Variants in AGBL4 observed in about 807,000 individuals in gnomAD.
AGBL4 encodes the protein cytosolic carboxypeptidase 6.
A neutral mutation model predicts 66.4 loss-of-function variants in AGBL4; 58 were observed. The ratio of observed to expected loss-of-function variants is 0.87; its 90% CI spans 0.71 to 1.09. The LOEUF (loss-of-function observed/expected upper bound fraction) is 1.09. Ranked by LOEUF, AGBL4 falls within the 50% of genes least tolerant of loss-of-function variation. AGBL4 has a pLI of 0.00. For synonymous variants in AGBL4, 234 were observed against 222.9 expected, an observed-to-expected ratio of 1.05 and a Z score of -0.44; for missense variants, 579 against 631.0, an observed-to-expected ratio of 0.92 and a Z score of 0.88.
At chr1:48,721,898 T>C (rs1647156881) in intron 6 of AGBL4, among the ~76,000 whole-genome samples, 1 of 152,202 alleles carries the variant, frequency 6.6e-6, no homozygotes, top group South Asian at 2.1e-4. Flanking sequence ...AATAACTTTT[T>C]AATGAGTGTG....
At chr1:49,436,256 A>C (rs1645900722) in intron 3 of AGBL4, among the ~76,000 whole-genome samples, 1 of 152,204 alleles carries the variant, frequency 6.6e-6, no homozygotes, top group African/African-American at 2.4e-5. Flanking sequence ...GGTAAGTATA[A>C]CAGTGAGTGT....
At chr1:49,754,035 A>AT (rs1651685031) in intron 2 of AGBL4, among the ~76,000 whole-genome samples, 1 of 152,004 alleles carries the variant, frequency 6.6e-6, no homozygotes, top group Non-Finnish European at 1.5e-5. Context: ...AGCTCAGAGG[A>AT]TTTTGTTATT....
At chr1:49,114,929 A>C (rs886920705) in intron 4 of AGBL4, among the ~76,000 whole-genome samples, 7 of 152,244 alleles carry the variant, frequency 4.6e-5, no homozygotes, top group African/African-American at 1.7e-4. Context: ...ATAATAATGA[A>C]AAAGTTTGAA....
intron 2 of AGBL4, among the ~76,000 whole-genome samples, chr1:49,796,025 T>C (rs917087113): frequency 1.3e-5 from 2 of 151,872 alleles, no homozygotes; most frequent in Admixed American, 6.6e-5. Context: ...CTGGCCACAA[T>C]GATAACTAAG....
At chr1:49,870,957 A>C (rs1396067742) in intron 1 of AGBL4, among the ~76,000 whole-genome samples, 1 of 152,176 alleles carries the variant, frequency 6.6e-6, no homozygotes, top group African/African-American at 2.4e-5. Context: ...TGGACACAGA[A>C]GAAGATAACA....
chr1:49,213,397 T>C (rs944818694), intron 4 of AGBL4, among the ~76,000 whole-genome samples: 2 of 151,996 alleles, frequency 1.3e-5, no homozygotes, highest in African/African-American at 2.4e-5. Flanking sequence ...TGGTGGGAGA[T>C]GTTTGGGTCA....
At chr1:49,472,474 T>A (rs1235377893) in intron 3 of AGBL4, among the ~76,000 whole-genome samples, 4 of 151,668 alleles carry the variant, frequency 2.6e-5, no homozygotes, top group Admixed American at 6.6e-5. Context: ...CTCAGAAAAA[T>A]TAAGTCTCAG....
At position 49,166,506 on chromosome 1, in the gene AGBL4, G is replaced by A. The variant is rs1043951605; in HGVS notation, c.377+79264C>T. ...TGTAACCGAGTCTCCCGGAACTCTA[G>A]TATGTTATTAGGTATTTATATAATT... On this transcript the variant is annotated intron_variant, in intron 4 of 13. Coordinates refer to ENST00000371839, the MANE Select transcript of AGBL4 (RefSeq NM_032785.4). Among the ~76,000 whole-genome samples, 23 of 152,158 alleles carry A rather than the reference G, an allele frequency of 1.5e-4. 1 individual carries two copies. The highest frequency in any genetic ancestry group is 1.4e-3 in the Admixed American group (21 of 15,264).
intron 11 of AGBL4, among the ~76,000 whole-genome samples, chr1:48,579,511 G>A (rs1219793421): frequency 1.3e-5 from 2 of 151,592 alleles, no homozygotes; most frequent in Non-Finnish European, 2.9e-5. Context: ...AAATTGCTGG[G>A]ATTACAGGCA....
At chr1:48,608,997 G>A (rs1231221917) in intron 9 of AGBL4, among the ~76,000 whole-genome samples, 1 of 152,124 alleles carries the variant, frequency 6.6e-6, no homozygotes, top group Admixed American at 6.5e-5. Context: ...GGGACCCTTG[G>A]CTCAGTGTGG....
intron 5 of AGBL4, among the ~76,000 whole-genome samples, chr1:49,013,501 A>G (rs1463892138): frequency 6.6e-6 from 1 of 152,204 alleles, no homozygotes; most frequent in Non-Finnish European, 1.5e-5. Context: ...GTTGGAAGGA[A>G]CGGGGCTTCA....
intron 3 of AGBL4, among the ~76,000 whole-genome samples, chr1:49,548,300 C>A (rs1652670844): frequency 1.3e-5 from 2 of 152,102 alleles, no homozygotes; most frequent in Admixed American, 6.5e-5. Flanking sequence ...TTATTTCTTT[C>A]TCTTGTCTGA....
rs192259810 is a variant in AGBL4, at chr1:49,269,673, C to A, written c.283-23809G>T. 9.2e-4 allele frequency among the ~76,000 whole-genome samples: 140 copies of A among 152,280 alleles called. 2 individuals are homozygous for A. The highest frequency in any genetic ancestry group is 9.0e-3 in the Admixed American group (138 of 15,286). On this transcript the variant is annotated intron_variant, in intron 3 of 13. Transcript: ENST00000371839. ...TTGCCATCATGTCCTGATTTACCAC[C>A]ATAACCTGTTTTGGCCATGCTCTGA...
intron 9 of AGBL4, among the ~76,000 whole-genome samples, chr1:48,592,581 C>T (rs1426336600): frequency 2.6e-5 from 4 of 152,232 alleles, no homozygotes; most frequent in Non-Finnish European, 4.4e-5. Context: ...CTATAAAAGT[C>T]ATCTTCACAA....
At chr1:48,647,494 T>C (rs1384243836) in intron 8 of AGBL4, 2 of 330,432 alleles carry the variant, frequency 6.1e-6, no homozygotes, top group African/African-American at 2.2e-5. Flanking sequence ...AGGCTGTACC[T>C]GGTAATTATA....
chr1:48,912,675 AC>A (rs1653244423), intron 5 of AGBL4, among the ~76,000 whole-genome samples: 1 of 152,162 alleles, frequency 6.6e-6, no homozygotes, highest in African/African-American at 2.4e-5. Flanking sequence ...CTGTCCAGCC[AC>A]TGGGCTCTCT....
chr1:49,135,475 C>A (rs1557670302), intron 4 of AGBL4, among the ~76,000 whole-genome samples: 1 of 152,074 alleles, frequency 6.6e-6, no homozygotes, highest in Non-Finnish European at 1.5e-5. Flanking sequence ...AGTGGGAAAT[C>A]AGGGGTCTCA....
intron 4 of AGBL4, among the ~76,000 whole-genome samples, chr1:49,062,977 C>G (rs1330344400): frequency 6.6e-6 from 1 of 152,160 alleles, no homozygotes; most frequent in African/African-American, 2.4e-5. Flanking sequence ...TCATGTATTT[C>G]ACAACTTCCT....
At chr1:48,598,169 T>C (rs1426798167) in intron 9 of AGBL4, among the ~76,000 whole-genome samples, 1 of 152,202 alleles carries the variant, frequency 6.6e-6, no homozygotes, top group Admixed American at 6.5e-5. Context: ...TTATCCTATG[T>C]ACAGTAGAAA....
Sources: gnomAD v4.1 joint callset for allele counts (sites outside exome capture counted in the v4.1 genomes callset) on GRCh38, gnomAD v4.1.1 for gene constraint, MANE v1.5 for transcripts, NCBI Gene and HGNC (gene_info 2026-07-23, HGNC 2026-07-21) for gene names.